RHOBTB1: variants seen among roughly 807,000 people sequenced by gnomAD.
The protein encoded by RHOBTB1 is rho-related BTB domain-containing protein 1.
In RHOBTB1, 40 loss-of-function variants were observed where a neutral mutation model predicts 71.6. That is an observed-to-expected ratio of 0.56 (90% CI 0.43 to 0.73). The LOEUF (loss-of-function observed/expected upper bound fraction) is 0.73, where lower values mean the gene tolerates loss of function less well. RHOBTB1 is among the 30% of genes least tolerant of loss of function. The pLI, the probability that RHOBTB1 is intolerant of heterozygous loss-of-function variation, is 0.00. For missense variants in RHOBTB1, 797 were observed against 894.0 expected (o/e 0.89, Z 1.38); for synonymous variants, 319 against 334.9 (o/e 0.95, Z 0.52).
intron 2 of RHOBTB1, among the ~76,000 whole-genome samples, chr10:60,926,957 A>G (rs1206807859): frequency 6.6e-6 from 1 of 152,248 alleles, no homozygotes; most frequent in African/African-American, 2.4e-5. Flanking sequence ...GTTGCAGATG[A>G]TATCTTATAT....
the RHOBTB1 span, among the ~76,000 whole-genome samples, chr10:60,862,517 T>C: frequency 6.6e-6 from 1 of 151,962 alleles, no homozygotes; most frequent in African/African-American, 2.4e-5. Context: ...GAATACGCTG[T>C]CTCTCTCTCC....
At chr10:60,934,862 C>A (rs1331870181) in intron 2 of RHOBTB1, among the ~76,000 whole-genome samples, 1 of 152,132 alleles carries the variant, frequency 6.6e-6, no homozygotes, top group Non-Finnish European at 1.5e-5. Flanking sequence ...TGAATGGAAG[C>A]ACATGGGCTT....
At chr10:60,980,176 G>A (rs1319134642) in intron 2 of RHOBTB1, among the ~76,000 whole-genome samples, 2 of 152,134 alleles carry the variant, frequency 1.3e-5, no homozygotes, top group African/African-American at 4.8e-5. Flanking sequence ...TCAACTCTCC[G>A]CTTTGCATTA....
At chr10:60,990,618 C>T (rs373152383) in intron 1 of RHOBTB1, among the ~76,000 whole-genome samples, 1 of 152,252 alleles carries the variant, frequency 6.6e-6, no homozygotes, top group African/African-American at 2.4e-5. Flanking sequence ...TTCCTAGAAC[C>T]CTTGCTCCTC....
At chr10:60,880,992 C>A (rs2081302103) in intron 7 of RHOBTB1, among the ~76,000 whole-genome samples, 1 of 150,948 alleles carries the variant, frequency 6.6e-6, no homozygotes, top group Admixed American at 6.6e-5. Context: ...CAAATCCCAT[C>A]TTGAATTATA....
chr10:60,923,747 G>A (rs767081009), intron 2 of RHOBTB1, among the ~76,000 whole-genome samples: 72 of 152,214 alleles, frequency 4.7e-4, no homozygotes, highest in Non-Finnish European at 4.1e-4. Context: ...TACTGTTCTC[G>A]GGATAGTGAC....
chr10:60,999,364 C>T (rs1207612433), intron 1 of RHOBTB1, among the ~76,000 whole-genome samples: 2 of 152,110 alleles, frequency 1.3e-5, no homozygotes, highest in Non-Finnish European at 2.9e-5. Context: ...CTACCTAAAA[C>T]AACAACAAAA....
At chr10:60,971,542 C>A (rs7095659) in intron 2 of RHOBTB1, among the ~76,000 whole-genome samples, 82,000 of 151,908 alleles carry the variant, frequency 0.54, 22,404 homozygotes, top group East Asian at 0.77. Context: ...ACAAAAATTA[C>A]CTCAAGATGG....
intron 2 of RHOBTB1, among the ~76,000 whole-genome samples, chr10:60,939,518 C>T (rs1212223168): frequency 6.6e-6 from 1 of 152,156 alleles, no homozygotes; most frequent in Non-Finnish European, 1.5e-5. Flanking sequence ...CCCACACACT[C>T]GCCCATCTCC....
intron 1 of RHOBTB1, among the ~76,000 whole-genome samples, chr10:60,993,423 T>A (rs930292854): frequency 2.0e-5 from 3 of 152,216 alleles, no homozygotes; most frequent in African/African-American, 7.2e-5. Flanking sequence ...AGAGGTAGTT[T>A]CTATTATATA....
chr10:60,896,978 A>AT (rs34944534), intron 4 of RHOBTB1, among the ~76,000 whole-genome samples: 14 of 151,868 alleles, frequency 9.2e-5, no homozygotes, highest in South Asian at 2.1e-4. Flanking sequence ...AAAAAAAAGC[A>AT]TTTTTTTTCA....
At chr10:60,955,293 G>A (rs1304252107) in intron 2 of RHOBTB1, among the ~76,000 whole-genome samples, 7 of 151,702 alleles carry the variant, frequency 4.6e-5, no homozygotes, top group Non-Finnish European at 8.8e-5. Context: ...CGCCTGCTTC[G>A]GCCTCCCAAA....
chr10:60,972,212 C>G (rs183970273), intron 2 of RHOBTB1, among the ~76,000 whole-genome samples: 1 of 152,080 alleles, frequency 6.6e-6, no homozygotes, highest in South Asian at 2.1e-4. Flanking sequence ...TGATTATAAA[C>G]CATTCTACTA....
intron 2 of RHOBTB1, among the ~76,000 whole-genome samples, chr10:60,938,795 C>G (rs1565070115): frequency 6.6e-6 from 1 of 152,006 alleles, no homozygotes; most frequent in African/African-American, 2.4e-5. Context: ...CAAATCCAAG[C>G]TCTGTTTCCT....
chr10:60,992,201 G>C (rs902369471), intron 1 of RHOBTB1, among the ~76,000 whole-genome samples: 3 of 152,160 alleles, frequency 2.0e-5, no homozygotes, highest in African/African-American at 7.2e-5. Context: ...TATAAGAAAC[G>C]AAAGTAGGAA....
intron 4 of RHOBTB1, among the ~76,000 whole-genome samples, chr10:60,905,473 A>AAAAAT (rs1554837713): frequency 2.7e-5 from 4 of 150,674 alleles, no homozygotes; most frequent in African/African-American, 9.9e-5. Flanking sequence ...AAAAAAAAAA[A>AAAAAT]AATTCAAATT....
At chr10:60,884,102 T>TG (rs2081455657) in intron 7 of RHOBTB1, among the ~76,000 whole-genome samples, 1 of 152,176 alleles carries the variant, frequency 6.6e-6, no homozygotes, top group Non-Finnish European at 1.5e-5. Flanking sequence ...AGCCTTTTGC[T>TG]GGGGGGTTGG....
At chr10:60,898,112 T>C (rs890328208) in intron 4 of RHOBTB1, among the ~76,000 whole-genome samples, 5 of 152,180 alleles carry the variant, frequency 3.3e-5, no homozygotes, top group African/African-American at 9.7e-5. Flanking sequence ...TATGTCATCA[T>C]TGACTATTAT....
intron 6 of RHOBTB1, among the ~76,000 whole-genome samples, chr10:60,887,927 G>C (rs1019043060): frequency 5.3e-5 from 8 of 152,114 alleles, no homozygotes; most frequent in African/African-American, 1.7e-4. Context: ...CAAGAGCATG[G>C]GTTCAAATCC....
Sources: gnomAD v4.1 joint callset for allele counts (sites outside exome capture counted in the v4.1 genomes callset) on GRCh38, gnomAD v4.1.1 for gene constraint, MANE v1.5 for transcripts, NCBI Gene and HGNC (gene_info 2026-07-23, HGNC 2026-07-21) for gene names.